SEL1L2: variants seen among roughly 807,000 people sequenced by gnomAD.
The protein encoded by SEL1L2 is protein sel-1 homolog 2.
SEL1L2 carries 89 observed loss-of-function variants against 98.8 expected under a neutral mutation model. The ratio of observed to expected loss-of-function variants is 0.90; its 90% CI spans 0.76 to 1.07. The LOEUF is 1.07. SEL1L2 is among the 50% of genes least tolerant of loss of function. SEL1L2 has a pLI of 0.00. For synonymous variants in SEL1L2, 262 were observed against 278.5 expected (o/e 0.94, Z 0.59); for missense variants, 788 against 812.0 (o/e 0.97, Z 0.36).
At chr20:13,971,794 C>T (rs561224804) in intron 1 of SEL1L2, among the ~76,000 whole-genome samples, 155 of 152,190 alleles carry the variant, frequency 1.0e-3, no homozygotes, top group Non-Finnish European at 1.8e-3. Flanking sequence ...GTGGGATCTA[C>T]CATTTTGTCC....
intron 1 of SEL1L2, among the ~76,000 whole-genome samples, chr20:13,984,768 G>A (rs1179727154): frequency 8.5e-6 from 1 of 118,192 alleles, no homozygotes; most frequent in Non-Finnish European, 1.8e-5. Flanking sequence ...TGCTTTTTTT[G>A]CTATTAAATA....
rs2148190547 is a variant in SEL1L2, at chr20:13,913,837, G to T, written c.494C>A (p.Ala165Glu). 1 of 1,558,276 alleles carries T rather than the reference G, an allele frequency of 6.4e-7. No homozygotes were observed. Among genetic ancestry groups the T allele is most frequent in the East Asian group, 2.4e-5 (1 of 41,026 alleles). ...CAAGGACTCATATAATTGGATAGCT[G>T]CTGTTATATTTTGCACGCCAAAATT... Reference protein sequence around the residue: ...FGNFGVQNITAAIQLYESLAK... With the variant: ...FGNFGVQNITEAIQLYESLAK... The change falls in exon 5 of 20, where the codon GCA (alanine) becomes GAA (glutamate). Residue 165 changes from alanine to glutamate, a missense_variant. Coordinates refer to ENST00000284951, the MANE Select transcript of SEL1L2 (RefSeq NM_025229.2).
At chr20:13,932,407 AATTATT>A (rs140408055) in intron 2 of SEL1L2, among the ~76,000 whole-genome samples, 58,223 of 144,576 alleles carry the variant, frequency 0.4, 12,070 homozygotes, top group African/African-American at 0.48. Flanking sequence ...TTCCTTTGTC[AATTATT>A]ATTATTATTA....
In SEL1L2 at chr20:13,861,585, G is replaced by A. The variant is rs987923154; in HGVS notation, c.1646-2151C>T. On this transcript the variant is annotated intron_variant, in intron 17 of 19. Transcript: ENST00000284951. ...TGGTTTTTCATATATTCACAGAGATGTACAAGCATTACCACAATTTTAGAA... is the reference window on the plus strand; with the variant it reads ...TGGTTTTTCATATATTCACAGAGATATACAAGCATTACCACAATTTTAGAA... Among the ~76,000 whole-genome samples the A allele has an allele frequency of 1.2e-4, 19 of 152,272 alleles. 1 individual carries two copies. The highest frequency in any genetic ancestry group is 4.6e-4 in the African/African-American group (19 of 41,542).
intron 5 of SEL1L2, among the ~76,000 whole-genome samples, chr20:13,905,045 T>C (rs955599009): frequency 2.0e-5 from 3 of 152,130 alleles, no homozygotes; most frequent in African/African-American, 7.2e-5. Flanking sequence ...GAGGGGCGTA[T>C]TCCTCAGTAT....
At chr20:13,905,528 A>T (rs1180273857) in intron 5 of SEL1L2, among the ~76,000 whole-genome samples, 7 of 151,870 alleles carry the variant, frequency 4.6e-5, no homozygotes, top group Non-Finnish European at 1.0e-4. Flanking sequence ...GTTAGCCAGA[A>T]TGGTCTCGAT....
At chr20:13,932,938 C>T (rs960969698) in intron 2 of SEL1L2, among the ~76,000 whole-genome samples, 1 of 151,732 alleles carries the variant, frequency 6.6e-6, no homozygotes, top group Non-Finnish European at 1.5e-5. Context: ...TTAGGCTAGG[C>T]GGGGTGGCTT....
At chr20:13,962,103 T>G (rs2050806117) in intron 1 of SEL1L2, among the ~76,000 whole-genome samples, 1 of 152,174 alleles carries the variant, frequency 6.6e-6, no homozygotes, top group South Asian at 2.1e-4. Flanking sequence ...TGGGCAATTT[T>G]GGGAGGATGA....
At position 13,887,851 on chromosome 20, in the gene SEL1L2, C is replaced by G. The variant is rs555031603; in HGVS notation, c.664-1G>C. 8.1e-6 allele frequency: 13 copies of G among 1,612,544 alleles called. No homozygotes were observed. Among genetic ancestry groups the G allele is most frequent in the Non-Finnish European group, 1.0e-5 (12 of 1,178,820 alleles). ...TGATTCCCGACAAATATCTGTACCC[C>G]TAAAACACAGACAGATGCATTCTTA... On this transcript the variant is annotated splice_acceptor_variant, in intron 7 of 19. Coordinates refer to ENST00000284951, the MANE Select transcript of SEL1L2 (RefSeq NM_025229.2). LOFTEE classifies it high-confidence loss of function.
chr20:13,858,591 T>C (rs6110063), intron 18 of SEL1L2, among the ~76,000 whole-genome samples: 1,566 of 152,316 alleles, frequency 0.01, 19 homozygotes, highest in African/African-American at 0.036. Flanking sequence ...ATTATTATCG[T>C]TATTGATACT....
chr20:13,912,292 ATTTTTT>A lies in SEL1L2; in HGVS notation c.549+1484_549+1489del, dbSNP rs11478603. Among the ~76,000 whole-genome samples, 384 of 111,326 alleles carry A rather than the reference ATTTTTT, an allele frequency of 3.4e-3. 3 individuals are homozygous for A. The highest frequency in any genetic ancestry group is 0.016 in the Middle Eastern group (3 of 190). The allele number at this position is 111,326 out of a possible 152,430, so 73.0% of individuals were successfully genotyped here. On this transcript the variant is annotated intron_variant, in intron 5 of 19. Transcript: ENST00000284951. ...AGCATCTGGACTTTTTTTCTGTGGG[ATTTTTT>A]TTTTTTTTTTTTTTTTTGAGATGGA...
intron 1 of SEL1L2, among the ~76,000 whole-genome samples, chr20:13,958,337 A>G (rs533313648): frequency 7.2e-6 from 1 of 139,632 alleles, no homozygotes; most frequent in South Asian, 2.5e-4. Context: ...GTGCAAAAGT[A>G]CTTGCAGTTT....
At position 13,869,610 on chromosome 20, in the gene SEL1L2, T is replaced by A; in HGVS notation, c.1168-20A>T. On this transcript the variant is annotated intron_variant, in intron 13 of 19. Transcript: ENST00000284951. ...ATAATTCTGCAAGATAATTACACTC[T>A]ATTACTCAAAGGCACAAGTAAAACT... 1.3e-6 allele frequency: 2 copies of A among 1,596,502 alleles called. No homozygotes were observed. Among genetic ancestry groups the A allele is most frequent in the Non-Finnish European group, 1.7e-6 (2 of 1,164,024 alleles).
intron 10 of SEL1L2, among the ~76,000 whole-genome samples, chr20:13,884,501 T>C (rs182789233): frequency 8.1e-4 from 123 of 151,622 alleles, no homozygotes; most frequent in African/African-American, 2.7e-3. Context: ...AATTAACTTA[T>C]TTATTTTTTT....
intron 5 of SEL1L2, among the ~76,000 whole-genome samples, chr20:13,907,694 TTCTTTC>T (rs781554801): frequency 3.0e-4 from 43 of 141,004 alleles, no homozygotes; most frequent in Middle Eastern, 3.5e-3. Flanking sequence ...CTTTCTTTCT[TTCTTTC>T]TCTTTCTTTC....
chr20:13,960,278 G>A (rs2050720809), intron 1 of SEL1L2, among the ~76,000 whole-genome samples: 1 of 152,150 alleles, frequency 6.6e-6, no homozygotes, highest in Admixed American at 6.5e-5. Context: ...ATTAAATGGA[G>A]TGAAGTTTAT....
chr20:13,917,759 G>A (rs1425347031), intron 4 of SEL1L2, among the ~76,000 whole-genome samples: 2 of 147,626 alleles, frequency 1.4e-5, no homozygotes, highest in Non-Finnish European at 3.0e-5. Context: ...GGGGCTCAGG[G>A]CCCATACTTT....
chr20:13,878,048 T>C (rs6135001), intron 10 of SEL1L2, among the ~76,000 whole-genome samples: 5,216 of 152,296 alleles, frequency 0.034, 172 homozygotes, highest in South Asian at 0.18. Flanking sequence ...CTTGGCCGGC[T>C]GCTGAGATCA....
At chr20:13,923,188 A>ACTGTTTTGG (rs2048735544) in intron 3 of SEL1L2, among the ~76,000 whole-genome samples, 1 of 152,240 alleles carries the variant, frequency 6.6e-6, no homozygotes, top group African/African-American at 2.4e-5. Flanking sequence ...CTCTCTAATT[A>ACTGTTTTGG]CTGTTTTGGT....
Sources: allele counts gnomAD v4.1 joint callset (sites outside exome capture counted in the v4.1 genomes callset), GRCh38; gene constraint gnomAD v4.1.1; transcripts MANE v1.5; gene names NCBI Gene and HGNC (gene_info 2026-07-23, HGNC 2026-07-21).